The following ACSM3 variants were observed in gnomAD, a reference collection of about 807,000 sequenced individuals.
The protein encoded by ACSM3 is acyl-CoA synthetase medium chain family member 3.
Under a neutral mutation model 74.1 loss-of-function variants are expected in ACSM3, and 61 were observed. The ratio of observed to expected loss-of-function variants is 0.82; its 90% CI spans 0.67 to 1.02. The LOEUF is 1.02. ACSM3 is among the 50% of genes least tolerant of loss of function. The pLI is 0.00. For synonymous variants in ACSM3, 213 were observed against 241.5 expected (o/e 0.88, Z 1.09); for missense variants, 660 against 697.0 (o/e 0.95, Z 0.60).
chr16:20,773,039 C>CT lies in ACSM3; in HGVS notation c.219+2793dup, dbSNP rs565274450. ...AGCAGTAAAACCATCCAATTCTGGGCTTTTTTTATTACTGATTCAATCTCA... is the reference window on the plus strand; with the variant it reads ...AGCAGTAAAACCATCCAATTCTGGGCTTTTTTTTATTACTGATTCAATCTCA... On this transcript the variant is annotated intron_variant, in intron 2 of 13. Coordinates refer to ENST00000289416, the MANE Select transcript of ACSM3 (RefSeq NM_005622.4). 1.5e-3 allele frequency among the ~76,000 whole-genome samples: 230 copies of CT among 151,362 alleles called. 1 individual carries two copies. Among genetic ancestry groups the CT allele is most frequent in the Middle Eastern group, 6.9e-3 (2 of 290 alleles).
chr16:20,682,902 C>CTT (rs957454942), intron 1 of ACSM3, among the ~76,000 whole-genome samples: 4 of 152,016 alleles, frequency 2.6e-5, no homozygotes, highest in African/African-American at 9.7e-5. Flanking sequence ...AATGTCCCCT[C>CTT]TTTCCTTCAT....
chr16:20,709,807 C>G (rs1291969695), intron 1 of ACSM3, among the ~76,000 whole-genome samples: 1 of 152,184 alleles, frequency 6.6e-6, no homozygotes, highest in Non-Finnish European at 1.5e-5. Context: ...TCAGGGAACT[C>G]ACCAGGAAAT....
In ACSM3 at chr16:20,756,502, CTGTT is replaced by C. The variant is rs1203644744; in HGVS notation, c.-52+889_-52+892del. Among the ~76,000 whole-genome samples, 39 of 151,966 alleles carry C rather than the reference CTGTT, an allele frequency of 2.6e-4. No homozygotes were observed. In the East Asian group the frequency reaches 4.8e-3, roughly 19 times the overall value. On this transcript the variant is annotated intron_variant, in intron 3 of 3. Transcript: ENST00000561584. Reference sequence around the variant, plus strand: ...GGTTGTTTGTTTTTTTCTTGTAAATCTGTTTGAGTTCATTGTAGATTCTGGATAT... The same window carrying C: ...GGTTGTTTGTTTTTTTCTTGTAAATCTGAGTTCATTGTAGATTCTGGATAT...
At chr16:20,677,226 T>TA (rs34392148) in intron 1 of ACSM3, among the ~76,000 whole-genome samples, 43,052 of 129,926 alleles carry the variant, frequency 0.33, 6,667 homozygotes, top group East Asian at 0.71. Context: ...TTAAAGAAAT[T>TA]AAAAAAAAAA....
chr16:20,763,412 G>C (rs1439699429), upstream of ACSM3, among the ~76,000 whole-genome samples: 3 of 152,170 alleles, frequency 2.0e-5, no homozygotes, highest in Non-Finnish European at 4.4e-5. Flanking sequence ...GAAAGCCTGA[G>C]GCTGAAACAG....
chr16:20,692,120 C>T (rs1596478514), intron 1 of ACSM3, among the ~76,000 whole-genome samples: 1 of 152,080 alleles, frequency 6.6e-6, no homozygotes, highest in South Asian at 2.1e-4. Flanking sequence ...AAATATACAC[C>T]ATCATCCTCA....
intron 1 of ACSM3, among the ~76,000 whole-genome samples, chr16:20,710,148 G>A (rs949703438): frequency 1.3e-5 from 2 of 152,184 alleles, no homozygotes; most frequent in Admixed American, 6.5e-5. Flanking sequence ...TGTTTAGGAT[G>A]AGATAAACTA....
chr16:20,756,608 T>C (rs1273211059), intron 3 of ACSM3, among the ~76,000 whole-genome samples: 2 of 152,244 alleles, frequency 1.3e-5, no homozygotes, highest in Non-Finnish European at 2.9e-5. Flanking sequence ...GATGGTAGTT[T>C]CTTTTGCTGT....
At chr16:20,778,812 G>A (rs570012834) in intron 4 of ACSM3, among the ~76,000 whole-genome samples, 10 of 152,064 alleles carry the variant, frequency 6.6e-5, no homozygotes, top group South Asian at 4.2e-4. Context: ...GTGTAGTGGC[G>A]CAATCTCGGC....
At chr16:20,683,715 C>CTCTTTCTT (rs55684501) in intron 1 of ACSM3, among the ~76,000 whole-genome samples, 54,437 of 136,044 alleles carry the variant, frequency 0.4, 13,056 homozygotes, top group Non-Finnish European at 0.55. Flanking sequence ...CTCTCTCTCT[C>CTCTTTCTT]TCTTTCTTTC....
At chr16:20,689,529 A>C (rs994198993) in intron 1 of ACSM3, among the ~76,000 whole-genome samples, 1 of 152,196 alleles carries the variant, frequency 6.6e-6, no homozygotes, top group Non-Finnish European at 1.5e-5. Flanking sequence ...AATGGATAAA[A>C]AAAAAATCCA....
chr16:20,775,942 C>T lies in ACSM3; in HGVS notation c.323C>T (p.Ala108Val). The change falls in exon 3 of 14, where the codon GCC becomes GTC. Residue 108 changes from alanine (A) to valine (V), a missense_variant. Physicochemically the swap from Ala to Val is moderately conservative, Grantham distance 64. Coordinates refer to ENST00000289416, the MANE Select transcript of ACSM3 (RefSeq NM_005622.4). Reference protein sequence around the residue: ...EELGSLSRKFANILSEACSLQ... With the variant: ...EELGSLSRKFVNILSEACSLQ... ...CTGGGATCTCTGTCCAGAAAATTTG[C>T]CAATATACTTTCAGAAGCCTGTTCC... The T allele has an allele frequency of 6.2e-7, 1 of 1,614,144 alleles. No homozygotes were observed. Among genetic ancestry groups the T allele is most frequent in the African/African-American group, 1.3e-5 (1 of 75,022 alleles).
intron 1 of ACSM3, among the ~76,000 whole-genome samples, chr16:20,696,931 C>T (rs1441361318): frequency 2.0e-5 from 3 of 152,168 alleles, no homozygotes; most frequent in Admixed American, 6.5e-5. Context: ...TGAACTTAAG[C>T]GCACAGTAGT....
At chr16:20,715,937 G>A (rs2079760122) in intron 1 of ACSM3, among the ~76,000 whole-genome samples, 1 of 152,166 alleles carries the variant, frequency 6.6e-6, no homozygotes, top group African/African-American at 2.4e-5. Context: ...TCCAAGGCAG[G>A]TTCACCCTCA....
chr16:20,779,865 TG>T, intron 4 of ACSM3: 1 of 205,662 alleles, frequency 4.9e-6, no homozygotes, highest in South Asian at 5.6e-5. Context: ...TCCACCTCCC[TG>T]GTTCAAGCGA....
chr16:20,745,271 G>A (rs1025851810), intron 1 of ACSM3, among the ~76,000 whole-genome samples: 6 of 151,990 alleles, frequency 3.9e-5, no homozygotes, highest in Admixed American at 1.3e-4. Context: ...GGACTCTGTC[G>A]CTTGAAAACC....
intron 1 of ACSM3, among the ~76,000 whole-genome samples, chr16:20,706,733 A>G (rs1424788527): frequency 6.6e-6 from 1 of 152,178 alleles, no homozygotes; most frequent in East Asian, 1.9e-4. Context: ...CATGCACAGT[A>G]GTACCTCAGA....
At chr16:20,677,196 G>A (rs1005371810) in intron 1 of ACSM3, among the ~76,000 whole-genome samples, 2 of 150,926 alleles carry the variant, frequency 1.3e-5, no homozygotes, top group Non-Finnish European at 1.5e-5. Context: ...TCCTCTAGGA[G>A]GCTAACCAGG....
intron 1 of ACSM3, among the ~76,000 whole-genome samples, chr16:20,694,863 G>C (rs1451436905): frequency 6.6e-6 from 1 of 152,136 alleles, no homozygotes; most frequent in Non-Finnish European, 1.5e-5. Context: ...TATAAAAAGA[G>C]GAGATTAGGA....
Sources: allele counts gnomAD v4.1 joint callset (sites outside exome capture counted in the v4.1 genomes callset), GRCh38; gene constraint gnomAD v4.1.1; transcripts MANE v1.5; gene names NCBI Gene and HGNC (gene_info 2026-07-23, HGNC 2026-07-21).